Variants in FBXO11 observed in about 807,000 individuals in gnomAD.
FBXO11 encodes the protein F-box protein 11, also known as F-box only protein 11.
FBXO11 carries 13 observed loss-of-function variants against 117.0 expected under a neutral mutation model. That is an observed-to-expected ratio of 0.11 (90% CI 0.07 to 0.18). The LOEUF (loss-of-function observed/expected upper bound fraction) is 0.18, where lower values mean the gene tolerates loss of function less well. FBXO11 is among the 10% of genes least tolerant of loss of function. The pLI is 1.00. For missense variants in FBXO11, 767 were observed against 1,164.4 expected (o/e 0.66, Z 4.97); for synonymous variants, 490 against 380.5 (o/e 1.29, Z -3.35).
At chr2:47,820,990 G>A (rs2104720797) in intron 13 of FBXO11, among the ~76,000 whole-genome samples, 1 of 152,330 alleles carries the variant, frequency 6.6e-6, no homozygotes, top group South Asian at 2.1e-4. Context: ...AAACTTTAAT[G>A]AGGAATAAAT....
At chr2:47,854,278 C>T (rs1013758693) in intron 1 of FBXO11, among the ~76,000 whole-genome samples, 2 of 150,858 alleles carry the variant, frequency 1.3e-5, no homozygotes, top group African/African-American at 4.9e-5. Flanking sequence ...TTTAAACCTA[C>T]CTATCTCTAC....
chr2:47,894,948 C>A (rs768441699), intron 1 of FBXO11, among the ~76,000 whole-genome samples: 40 of 151,952 alleles, frequency 2.6e-4, no homozygotes, highest in Non-Finnish European at 5.0e-4. Flanking sequence ...TTAAAGGATA[C>A]CAAGAGACTC....
chr2:47,851,338 T>A (rs1477319777), intron 1 of FBXO11, among the ~76,000 whole-genome samples: 2 of 152,104 alleles, frequency 1.3e-5, no homozygotes, highest in African/African-American at 4.8e-5. Flanking sequence ...GCGATTCTCC[T>A]GCCTCAGCCT....
intron 1 of FBXO11, among the ~76,000 whole-genome samples, chr2:47,890,016 G>A (rs1266930872): frequency 1.3e-5 from 2 of 152,148 alleles, no homozygotes; most frequent in Admixed American, 1.3e-4. Context: ...AAGAATCACT[G>A]GTTCAGAGTC....
intron 1 of FBXO11, among the ~76,000 whole-genome samples, chr2:47,841,522 AG>A (rs1205055164): frequency 6.6e-6 from 1 of 152,228 alleles, no homozygotes; most frequent in Non-Finnish European, 1.5e-5. Flanking sequence ...CAAACCTGTA[AG>A]AAACTCTACA....
chr2:47,905,572 T>TGCGGCG lies in FBXO11; in HGVS notation c.143_148dup (p.Pro48_Pro49dup). 4.2e-6 allele frequency: 5 copies of TGCGGCG among 1,193,044 alleles called. No homozygotes were observed. Among genetic ancestry groups the TGCGGCG allele is most frequent in the Non-Finnish European group, 5.3e-6 (5 of 949,690 alleles). 73.9% of individuals were successfully genotyped at this position (1,193,044 alleles called of 1,614,324 possible). ...CGGAGGCTGCTGCTGCTGCTGCTGC[T>TGCGGCG]GCGGCGGCGGCGGAGGCTGCTGCTG... On this transcript the variant is annotated inframe_insertion, in exon 1 of 23. Coordinates refer to ENST00000403359, the MANE Select transcript of FBXO11 (RefSeq NM_001190274.2).
In FBXO11 at chr2:47,905,747, C is replaced by A; in HGVS notation, c.-27G>T. On this transcript the variant is annotated 5_prime_UTR_variant, in exon 1 of 23. Coordinates refer to ENST00000403359, the MANE Select transcript of FBXO11 (RefSeq NM_001190274.2). ...TGCCGGGCTGAGGTGGCGGCGTTGG[C>A]GGAGGGACACACACACGCACACGCA... 1 of 1,433,766 alleles carries A rather than the reference C, an allele frequency of 7.0e-7. No homozygotes were observed. The highest frequency in any genetic ancestry group is 9.2e-7 in the Non-Finnish European group (1 of 1,083,464). 88.8% of individuals were successfully genotyped at this position (1,433,766 alleles called of 1,614,324 possible). A position where few individuals can be genotyped will look rare whatever the true frequency, so the allele number is the denominator to read the frequency against.
intron 21 of FBXO11, chr2:47,808,638 T>TA: frequency 2.1e-6 from 1 of 482,392 alleles, no homozygotes; most frequent in South Asian, 3.9e-5. Context: ...AAATGATTTG[T>TA]AAATTGTATA....
intron 1 of FBXO11, among the ~76,000 whole-genome samples, chr2:47,861,316 A>G (rs1674757134): frequency 7.0e-6 from 1 of 142,630 alleles, no homozygotes. Context: ...GAATAGTCTG[A>G]CCTTTTTTTT....
At chr2:47,883,489 C>A in intron 1 of FBXO11, 1 of 412,452 alleles carries the variant, frequency 2.4e-6, no homozygotes, top group South Asian at 1.9e-5. Context: ...ATGGGGAAGA[C>A]CATCACCCTC....
intron 1 of FBXO11, among the ~76,000 whole-genome samples, chr2:47,851,518 C>T (rs966604850): frequency 2.0e-5 from 3 of 152,072 alleles, no homozygotes; most frequent in Non-Finnish European, 2.9e-5. Context: ...TGAGCCACCG[C>T]GCCTGGCCTA....
At chr2:47,854,905 T>C (rs991422851) in intron 1 of FBXO11, among the ~76,000 whole-genome samples, 8 of 151,698 alleles carry the variant, frequency 5.3e-5, no homozygotes, top group African/African-American at 1.9e-4. Flanking sequence ...TGTTGTAACA[T>C]TCATCAAACC....
chr2:47,900,719 C>A (rs866746015), intron 1 of FBXO11, among the ~76,000 whole-genome samples: 3 of 127,818 alleles, frequency 2.3e-5, no homozygotes, highest in Admixed American at 2.3e-4. Flanking sequence ...TATATATACA[C>A]GTATACACAC....
chr2:47,864,973 C>T (rs1055185525), intron 1 of FBXO11, among the ~76,000 whole-genome samples: 4 of 152,194 alleles, frequency 2.6e-5, no homozygotes, highest in South Asian at 2.1e-4. Context: ...ACAAACAAAA[C>T]ACCTGGGCGC....
chr2:47,905,697 G>C lies in FBXO11; in HGVS notation c.24C>G (p.Asn8Lys). 1 of 1,522,864 alleles carries C rather than the reference G, an allele frequency of 6.6e-7. No individual in the cohort carries two copies. The highest frequency in any genetic ancestry group is 8.8e-7 in the Non-Finnish European group (1 of 1,137,468). 94.3% of individuals were successfully genotyped at this position (1,522,864 alleles called of 1,614,324 possible). A position where few individuals can be genotyped will look rare whatever the true frequency, so the allele number is the denominator to read the frequency against. Residue 8 changes from asparagine to lysine, a missense_variant, in exon 1 of 23, where the codon AAC becomes AAG. Asn to Lys is a moderately conservative substitution (Grantham distance 94, BLOSUM62 0). This residue lies in a region of FBXO11 where 355 missense variants were observed against 299.8 expected (regional missense o/e 1.18). Transcript: ENST00000403359. MNSVRAA[N>K]RRPRRVSRPR... ...GCCGCGACACTCGCCTGGGTCTCCG[G>C]TTGGCGGCTCGGACGGAGTTCATTT...
At chr2:47,840,419 G>A (rs1672927318) in intron 1 of FBXO11, among the ~76,000 whole-genome samples, 3 of 151,278 alleles carry the variant, frequency 2.0e-5, no homozygotes, top group African/African-American at 7.3e-5. Flanking sequence ...AGGTTAAAAA[G>A]GGTGTCAGAG....
At chr2:47,896,965 C>T (rs1018977527) in intron 1 of FBXO11, among the ~76,000 whole-genome samples, 1 of 152,172 alleles carries the variant, frequency 6.6e-6, no homozygotes, top group East Asian at 1.9e-4. Context: ...TCTGGAAAGA[C>T]TCCTACTTTT....
At chr2:47,866,351 A>G (rs1364756361) in intron 1 of FBXO11, among the ~76,000 whole-genome samples, 2 of 151,960 alleles carry the variant, frequency 1.3e-5, no homozygotes, top group African/African-American at 2.4e-5. Flanking sequence ...CTCATCTTTT[A>G]TAACATACAA....
intron 1 of FBXO11, among the ~76,000 whole-genome samples, chr2:47,867,482 G>A (rs540807824): frequency 2.0e-5 from 3 of 152,336 alleles, no homozygotes; most frequent in African/African-American, 7.2e-5. Flanking sequence ...TGACAAAGGG[G>A]TCAGGAAGTG....
Sources: gnomAD v4.1 joint callset for allele counts (sites outside exome capture counted in the v4.1 genomes callset) on GRCh38, gnomAD v4.1.1 for gene constraint, gnomAD v4.1.1 regional missense constraint, MANE v1.5 for transcripts, NCBI Gene and HGNC (gene_info 2026-07-23, HGNC 2026-07-21) for gene names.